Variants in FBXO11 observed in about 807,000 individuals in gnomAD.
FBXO11 encodes F-box only protein 11.
Under a neutral mutation model 117.0 loss-of-function variants are expected in FBXO11, and 13 were observed. The ratio of observed to expected loss-of-function variants is 0.11; its 90% CI spans 0.07 to 0.18. The LOEUF is 0.18. FBXO11 is among the 10% of genes least tolerant of loss of function. FBXO11 has a pLI of 1.00. For missense variants in FBXO11, 767 were observed against 1,164.4 expected (o/e 0.66, Z 4.97); for synonymous variants, 490 against 380.5 (o/e 1.29, Z -3.35).
At chr2:47,887,329 C>T (rs1676937439) in intron 1 of FBXO11, among the ~76,000 whole-genome samples, 1 of 150,026 alleles carries the variant, frequency 6.7e-6, no homozygotes, top group Non-Finnish European at 1.5e-5. Flanking sequence ...GACCCTATCT[C>T]GAATTTTTTT....
intron 1 of FBXO11, among the ~76,000 whole-genome samples, chr2:47,894,868 A>G (rs775178136): frequency 1.3e-5 from 2 of 152,198 alleles, no homozygotes; most frequent in Non-Finnish European, 2.9e-5. Context: ...GAAAATGGGA[A>G]AGAACACAGC....
chr2:47,887,453 G>A (rs1676946786), intron 1 of FBXO11, among the ~76,000 whole-genome samples: 1 of 151,718 alleles, frequency 6.6e-6, no homozygotes, highest in South Asian at 2.1e-4. Context: ...TATGTCCCGT[G>A]CCAGTGGCTT....
At chr2:47,864,700 T>C (rs1403745624) in intron 1 of FBXO11, among the ~76,000 whole-genome samples, 2 of 152,162 alleles carry the variant, frequency 1.3e-5, no homozygotes, top group South Asian at 2.1e-4. Flanking sequence ...TCAAGATGAA[T>C]AAAAGTCCAC....
intron 13 of FBXO11, among the ~76,000 whole-genome samples, chr2:47,821,767 A>C (rs1414660699): frequency 1.3e-5 from 2 of 152,166 alleles, no homozygotes; most frequent in African/African-American, 4.8e-5. Context: ...CCTAGGCAAC[A>C]GAGTGAGACT....
At chr2:47,813,425 ATT>A (rs564540671) in intron 17 of FBXO11, 48 bp from the exon 18 acceptor site, 9,870 of 387,030 alleles carry the variant, frequency 0.026, 12 homozygotes, top group Non-Finnish European at 0.028. Flanking sequence ...TTTCTTTTTA[ATT>A]TTTTTTTTTT....
intron 1 of FBXO11, among the ~76,000 whole-genome samples, chr2:47,851,803 G>A (rs970451268): frequency 3.3e-5 from 5 of 152,152 alleles, no homozygotes; most frequent in Non-Finnish European, 5.9e-5. Flanking sequence ...AGGAGTTTAA[G>A]AGCAAGAGTG....
intron 1 of FBXO11, among the ~76,000 whole-genome samples, chr2:47,859,451 G>T (rs1016238581): frequency 1.3e-5 from 2 of 152,172 alleles, no homozygotes; most frequent in African/African-American, 4.8e-5. Context: ...TCACCGATTG[G>T]TGCTGTGAAG....
chr2:47,886,742 A>C (rs1351866581), intron 1 of FBXO11, among the ~76,000 whole-genome samples: 1 of 152,196 alleles, frequency 6.6e-6, no homozygotes, highest in Non-Finnish European at 1.5e-5. Context: ...TCTTTAAGCA[A>C]AACATGAAAC....
chr2:47,904,522 G>A (rs1431645133), intron 1 of FBXO11, among the ~76,000 whole-genome samples: 1 of 152,014 alleles, frequency 6.6e-6, no homozygotes, highest in Middle Eastern at 3.4e-3. Flanking sequence ...TAAACAGTTG[G>A]GTCCAAATGA....
chr2:47,850,075 G>A (rs1572842730), intron 1 of FBXO11, among the ~76,000 whole-genome samples: 1 of 152,182 alleles, frequency 6.6e-6, no homozygotes, highest in African/African-American at 2.4e-5. Flanking sequence ...AACTCAGAGA[G>A]GAAGATGGCT....
chr2:47,886,533 T>C (rs909273272), intron 1 of FBXO11, among the ~76,000 whole-genome samples: 1 of 151,622 alleles, frequency 6.6e-6, no homozygotes, highest in Non-Finnish European at 1.5e-5. Context: ...ATCTTTCTAC[T>C]AAAATTGTGA....
chr2:47,867,397 T>A (rs185581144), intron 1 of FBXO11, among the ~76,000 whole-genome samples: 1 of 152,320 alleles, frequency 6.6e-6, no homozygotes. Flanking sequence ...ATACTGGCAA[T>A]TAAATGATTG....
chr2:47,843,474 G>C (rs183973597), intron 1 of FBXO11, among the ~76,000 whole-genome samples: 1 of 145,762 alleles, frequency 6.9e-6, no homozygotes, highest in Admixed American at 6.9e-5. Flanking sequence ...TATGTGCTTT[G>C]AGACAATATT....
At position 47,823,763 on chromosome 2, in the gene FBXO11, T is replaced by TA. The variant is rs200953841; in HGVS notation, c.1399-404dup. Among the ~76,000 whole-genome samples the TA allele has an allele frequency of 9.8e-3, 1,475 of 150,176 alleles. 22 individuals are homozygous for TA. The highest frequency in any genetic ancestry group is 0.034 in the African/African-American group (1,398 of 40,938). ...AGCAAAACTCCGTCTCAAAAAAAAT[T>TA]AAAAAAAAAGTTTAAGAATAAAAAG... On this transcript the variant is annotated intron_variant, in intron 11 of 22. Transcript: ENST00000403359.
At chr2:47,837,606 AAAG>A (rs1302960393) in intron 4 of FBXO11, among the ~76,000 whole-genome samples, 2 of 152,230 alleles carry the variant, frequency 1.3e-5, no homozygotes, top group Non-Finnish European at 1.5e-5. Flanking sequence ...GTTGTAAAAC[AAAG>A]AAGTGTAAAG....
Position 47,881,639 on chromosome 2 carries a change from G to C in FBXO11, c.232+23850C>G, listed in dbSNP as rs375610304. On this transcript the variant is annotated intron_variant, in intron 1 of 22. Transcript: ENST00000403359. ...TGTTTAAACATCTTTTTCAATACCA[G>C]TTATTACCATAGGGCAATTCCTTCT... Among the ~76,000 whole-genome samples, 35 of 152,120 alleles carry C rather than the reference G, an allele frequency of 2.3e-4. 1 individual carries two copies. In the East Asian group the frequency reaches 3.7e-3, roughly 16 times the overall value.
intron 1 of FBXO11, among the ~76,000 whole-genome samples, chr2:47,865,572 T>C (rs1558455463): frequency 6.6e-6 from 1 of 152,234 alleles, no homozygotes; most frequent in African/African-American, 2.4e-5. Context: ...CTGTAGACTT[T>C]CATCACAACA....
At position 47,818,793 on chromosome 2, in the gene FBXO11, T is replaced by C. The variant is rs1169099273; in HGVS notation, c.1992A>G (p.Ser664=). 5.0e-6 allele frequency: 8 copies of C among 1,586,924 alleles called. No homozygotes were observed. Among genetic ancestry groups the C allele is most frequent in the Non-Finnish European group, 6.8e-6 (8 of 1,172,526 alleles). Residue 664 remains serine (S), a synonymous_variant, in exon 16 of 23, where the codon TCA becomes TCG. Transcript: ENST00000403359. ...EDNDIYNHMY[S]GVQIRTGSNP... ...AAAACATTTACCTTATCTGAACCCC[T>C]GAATACATATGATTATAGATATCAT...
chr2:47,862,139 TC>T (rs1158437169), intron 1 of FBXO11, among the ~76,000 whole-genome samples: 1 of 152,140 alleles, frequency 6.6e-6, no homozygotes, highest in Non-Finnish European at 1.5e-5. Flanking sequence ...CAGGCTGGTC[TC>T]AAACGCTTGA....
Sources: allele counts gnomAD v4.1 joint callset (sites outside exome capture counted in the v4.1 genomes callset), GRCh38; gene constraint gnomAD v4.1.1; transcripts MANE v1.5; gene names NCBI Gene and HGNC (gene_info 2026-07-23, HGNC 2026-07-21).